Variants in CUL5 observed in about 807,000 individuals in gnomAD.
CUL5 encodes cullin-5.
In CUL5, 26 loss-of-function variants were observed where a neutral mutation model predicts 108.8. That is an observed-to-expected ratio of 0.24 (90% confidence interval 0.18 to 0.33). CUL5 has a LOEUF of 0.33. CUL5 is among the 10% of genes least tolerant of loss of function. The pLI is 1.00. For missense variants in CUL5, 524 were observed against 909.2 expected, an observed-to-expected ratio of 0.58 and a Z score of 5.45; for synonymous variants, 334 against 298.0, an observed-to-expected ratio of 1.12 and a Z score of -1.25.
intron 1 of CUL5, among the ~76,000 whole-genome samples, chr11:108,022,843 C>G (rs1256685800): frequency 6.6e-6 from 1 of 151,602 alleles, no homozygotes; most frequent in Non-Finnish European, 1.5e-5. Flanking sequence ...CAGCAAGACC[C>G]CATCTCTAAA....
intron 2 of CUL5, among the ~76,000 whole-genome samples, chr11:108,037,615 A>G (rs1051159254): frequency 6.6e-5 from 10 of 152,218 alleles, no homozygotes; most frequent in African/African-American, 2.4e-4. Context: ...TCCTCCAGCA[A>G]CTGACAGTGA....
intron 1 of CUL5, among the ~76,000 whole-genome samples, chr11:108,026,983 C>T (rs1257333296): frequency 3.6e-4 from 45 of 124,938 alleles, no homozygotes; most frequent in African/African-American, 1.2e-3. Context: ...AGTGAGACTC[C>T]GTCTCAAAAA....
At chr11:108,055,044 T>C in intron 7 of CUL5, 89 bp downstream of exon 7, 2 of 944,028 alleles carry the variant, frequency 2.1e-6, no homozygotes, top group East Asian at 5.3e-5. Flanking sequence ...ATAATATTAT[T>C]TAACAACCAA....
At chr11:108,053,316 CT>C (rs1863284047) in intron 5 of CUL5, among the ~76,000 whole-genome samples, 1 of 152,178 alleles carries the variant, frequency 6.6e-6, no homozygotes, top group Admixed American at 6.5e-5. Context: ...TGGCATAGTA[CT>C]TTTGTTTAAT....
intron 1 of CUL5, among the ~76,000 whole-genome samples, chr11:108,017,192 CA>C (rs1862216515): frequency 6.6e-6 from 1 of 151,866 alleles, no homozygotes; most frequent in East Asian, 1.9e-4. Flanking sequence ...AATTTTAGCC[CA>C]CCCTGAACAG....
Position 108,104,865 on chromosome 11 carries a change from G to A in CUL5, c.*481G>A, listed in dbSNP as rs1864752952. On this transcript the variant is annotated 3_prime_UTR_variant, in exon 19 of 19. Coordinates refer to ENST00000393094, the MANE Select transcript of CUL5 (RefSeq NM_003478.6). ...CTTGGTTTCTTTTGATGAAAAGAGT[G>A]AGCTGGTCAATGCAACATTGGGAAA... 6.5e-6 allele frequency: 1 copy of A among 152,708 alleles called. No individual in the cohort carries two copies. The highest frequency in any genetic ancestry group is 2.1e-4 in the South Asian group (1 of 4,830). The allele number at this position is 152,708 out of a possible 1,614,324, so 9.5% of individuals were successfully genotyped here.
In CUL5 at chr11:108,098,414, C is replaced by A; in HGVS notation, c.2033C>A (p.Ala678Glu). ...TGCAATTCTTTTTGTAGAAAAAATG[C>A]AAAGGTTCAGAAAAGGGGTAAAATC... is the stretch of plus-strand genomic sequence containing the variant. The part of the protein sequence containing the change: ...VNQEFSLIKN[A>E]KVQKRGKINL... The change falls in exon 18 of 19, where the codon GCA becomes GAA. Residue 678 changes from alanine to glutamate, a missense_variant. Coordinates refer to ENST00000393094, the MANE Select transcript of CUL5 (RefSeq NM_003478.6). The A allele has an allele frequency of 6.2e-7, 1 of 1,600,466 alleles. No individual in the cohort carries two copies. The highest frequency in any genetic ancestry group is 1.7e-5 in the Admixed American group (1 of 57,148).
intron 2 of CUL5, among the ~76,000 whole-genome samples, chr11:108,037,065 AC>A (rs1412774388): frequency 2.6e-5 from 4 of 151,620 alleles, no homozygotes; most frequent in African/African-American, 9.7e-5. Flanking sequence ...TTTTTGGTCC[AC>A]CCAAAACTCA....
In CUL5 at chr11:108,052,760, C is replaced by T. The variant is rs771559839; in HGVS notation, c.512C>T (p.Ala171Val). Reference sequence around the variant, plus strand: ...GTACATGCTGAGAGATTGGGAGAAGCTTTTGATTCTCAGCTGGTTATTGGA... The same window carrying T: ...GTACATGCTGAGAGATTGGGAGAAGTTTTTGATTCTCAGCTGGTTATTGGA... Reference protein sequence around the residue: ...KLVHAERLGEAFDSQLVIGVR... With the variant: ...KLVHAERLGEVFDSQLVIGVR... The change falls in exon 5 of 19, where the codon GCT becomes GTT. Residue 171 changes from alanine (A) to valine (V), a missense_variant. Ala to Val is a moderately conservative substitution (Grantham distance 64). Coordinates refer to ENST00000393094, the MANE Select transcript of CUL5 (RefSeq NM_003478.6). 1 of 1,613,698 alleles carries T rather than the reference C, an allele frequency of 6.2e-7. No homozygotes were observed. Among genetic ancestry groups the T allele is most frequent in the Non-Finnish European group, 8.5e-7 (1 of 1,179,764 alleles).
At chr11:108,087,944 G>A (rs532658626) in intron 11 of CUL5, among the ~76,000 whole-genome samples, 1 of 151,978 alleles carries the variant, frequency 6.6e-6, no homozygotes, top group South Asian at 2.1e-4. Context: ...CAGTCTGGGG[G>A]ACAAGAGCAA....
intron 2 of CUL5, among the ~76,000 whole-genome samples, chr11:108,041,762 T>C (rs1306217158): frequency 1.3e-5 from 2 of 152,024 alleles, no homozygotes; most frequent in Non-Finnish European, 2.9e-5. Context: ...GGCTAATTTT[T>C]CGTATTTTTA....
intron 4 of CUL5, among the ~76,000 whole-genome samples, chr11:108,051,108 CT>C (rs962013435): frequency 2.6e-5 from 4 of 152,166 alleles, no homozygotes; most frequent in African/African-American, 4.8e-5. Context: ...CCATCCCAGC[CT>C]TAAAATTTGA....
In CUL5 at chr11:108,042,969, G is replaced by A. The variant is rs1013811843; in HGVS notation, c.135-3301G>A. 2.6e-5 allele frequency among the ~76,000 whole-genome samples: 4 copies of A among 152,188 alleles called. No homozygotes were observed. In the East Asian group the frequency reaches 7.7e-4, roughly 29 times the overall value. On this transcript the variant is annotated intron_variant, in intron 2 of 18. Coordinates refer to ENST00000393094, the MANE Select transcript of CUL5 (RefSeq NM_003478.6). ...GTAGAGATGGAGTTTCGCTATGTTG[G>A]CCAGGTTGGTTGCGAACTCCTGGCC... is the stretch of plus-strand genomic sequence containing the variant.
At chr11:108,009,406 G>T in intron 1 of CUL5, 34 bp downstream of exon 1, 3 of 1,612,400 alleles carry the variant, frequency 1.9e-6, no homozygotes, top group Non-Finnish European at 2.5e-6. Context: ...GTTTTACTGT[G>T]TGGCCGCCGG....
At chr11:108,020,535 ATTT>A (rs34112083) in intron 1 of CUL5, among the ~76,000 whole-genome samples, 1 of 148,186 alleles carries the variant, frequency 6.7e-6, no homozygotes, top group African/African-American at 2.5e-5. Context: ...TGTGTTTGTG[ATTT>A]TTTTTTTTTT....
intron 1 of CUL5, among the ~76,000 whole-genome samples, chr11:108,026,857 C>T (rs376929978): frequency 5.3e-5 from 8 of 151,826 alleles, no homozygotes; most frequent in South Asian, 2.1e-4. Context: ...GGCATGGTGG[C>T]GGGCACCTGT....
chr11:108,098,036 GTTTT>G (rs952743574), intron 17 of CUL5, among the ~76,000 whole-genome samples: 5 of 152,038 alleles, frequency 3.3e-5, no homozygotes, highest in African/African-American at 1.2e-4. Flanking sequence ...CAGAGAAAGC[GTTTT>G]TTGTGTTGTT....
chr11:108,084,581 C>A (rs1174314875), intron 11 of CUL5, among the ~76,000 whole-genome samples: 1 of 152,148 alleles, frequency 6.6e-6, no homozygotes, highest in Non-Finnish European at 1.5e-5. Flanking sequence ...TCATCTTGTT[C>A]TTGTGTGATT....
At chr11:108,054,076 C>A (rs1863310987) in intron 5 of CUL5, among the ~76,000 whole-genome samples, 2 of 152,122 alleles carry the variant, frequency 1.3e-5, no homozygotes, top group African/African-American at 4.8e-5. Flanking sequence ...GAACTCCTGA[C>A]CTCAAGTAAT....
Sources: gnomAD v4.1 joint callset for allele counts (sites outside exome capture counted in the v4.1 genomes callset) on GRCh38, gnomAD v4.1.1 for gene constraint, MANE v1.5 for transcripts, NCBI Gene and HGNC (gene_info 2026-07-23, HGNC 2026-07-21) for gene names.